Variants in PRUNE2 observed in about 807,000 individuals in gnomAD.
The protein encoded by PRUNE2 is protein prune homolog 2.
PRUNE2 carries 164 observed loss-of-function variants against 252.0 expected under a neutral mutation model. The observed-to-expected ratio is 0.65, with a 90% CI of 0.57 to 0.74. The LOEUF is 0.74. Ranked by LOEUF, PRUNE2 falls within the 30% of genes least tolerant of loss-of-function variation. The pLI is 0.00. For synonymous variants in PRUNE2, 1,292 were observed against 1,350.2 expected (o/e 0.96, Z 0.94); for missense variants, 3,495 against 3,711.0 (o/e 0.94, Z 1.51).
At chr9:76,692,035 C>T (rs752696794) in intron 9 of PRUNE2, 145 of 717,100 alleles carry the variant, frequency 2.0e-4, no homozygotes, top group Non-Finnish European at 3.1e-4. Flanking sequence ...CTGTCCTTCC[C>T]GTACCGATCT....
At chr9:76,704,189 A>C in intron 8 of PRUNE2, 90 bp from the exon 9 acceptor site, 1 of 692,782 alleles carries the variant, frequency 1.4e-6, no homozygotes, top group Non-Finnish European at 2.1e-6. Flanking sequence ...ATCATCTAAA[A>C]GAGGTAATTT....
At position 76,823,662 on chromosome 9, in the gene PRUNE2, C is replaced by T. The variant is rs564748991; in HGVS notation, c.726G>A (p.Val242=). 1.2e-6 allele frequency: 2 copies of T among 1,611,248 alleles called. No homozygotes were observed. Among genetic ancestry groups the T allele is most frequent in the African/African-American group, 1.3e-5 (1 of 74,936 alleles). The stretch of plus-strand genomic sequence containing the variant: ...GGTTCATGCTCACAGTACTAATGGC[C>T]ACTTTTATTTCTCCATCTGACAGCT... The part of the protein sequence containing the change: ...LKELSDGEIK[V]AISTVSMNLE... Residue 242 remains valine (V), a synonymous_variant, in exon 6 of 19, where the codon GTG becomes GTA. Transcript: ENST00000376718.
chr9:76,693,740 C>A (rs2045073145), intron 9 of PRUNE2, among the ~76,000 whole-genome samples: 1 of 152,104 alleles, frequency 6.6e-6, no homozygotes, highest in African/African-American at 2.4e-5. Flanking sequence ...CTGCGCCCGG[C>A]CTTAGCTCCT....
chr9:76,613,844 G>A lies in PRUNE2; in HGVS notation c.*726C>T, dbSNP rs958279017. On this transcript the variant is annotated 3_prime_UTR_variant, in exon 19 of 19. Transcript: ENST00000376718. Reference sequence around the variant, plus strand: ...AGCTGAGTTTATGGCCTGAAACTCAGAGAGCTACCAAACATGCAACACGGA... The same window carrying A: ...AGCTGAGTTTATGGCCTGAAACTCAAAGAGCTACCAAACATGCAACACGGA... 6.6e-5 allele frequency: 10 copies of A among 152,152 alleles called. No individual in the cohort carries two copies. The highest frequency in any genetic ancestry group is 4.8e-5 in the African/African-American group (2 of 41,408). The allele number at this position is 152,152 out of a possible 1,614,324, so 9.4% of individuals were successfully genotyped here.
At position 76,812,847 on chromosome 9, in the gene PRUNE2, G is replaced by C. The variant is rs548501341; in HGVS notation, c.756+10785C>G. Among the ~76,000 whole-genome samples, 6 of 152,328 alleles carry C rather than the reference G, an allele frequency of 3.9e-5. No individual in the cohort carries two copies. In the East Asian group the frequency reaches 1.2e-3, roughly 29 times the overall value. The stretch of plus-strand genomic sequence containing the variant: ...GGAGCTGACGTGTAACTGTTGGCAA[G>C]AGCTGACTGTTAAATTTTCAGGCAA... On this transcript the variant is annotated intron_variant, in intron 6 of 18. Coordinates refer to ENST00000376718, the MANE Select transcript of PRUNE2 (RefSeq NM_015225.3).
chr9:76,882,036 T>C (rs760808657), intron 1 of PRUNE2, among the ~76,000 whole-genome samples: 6 of 152,132 alleles, frequency 3.9e-5, no homozygotes, highest in Non-Finnish European at 7.3e-5. Flanking sequence ...TGTATCAGTA[T>C]TTAATTTAAT....
At position 76,709,061 on chromosome 9, in the gene PRUNE2, G is replaced by T. The variant is rs73650284; in HGVS notation, c.3213C>A (p.Val1071=). 7,821 of 1,613,878 alleles carry T rather than the reference G, an allele frequency of 4.8e-3. 112 individuals carry two copies. Among genetic ancestry groups the T allele is most frequent in the South Asian group, 0.037 (3,407 of 91,060 alleles). Residue 1071 remains valine (V), a synonymous_variant, in exon 8 of 19, where the codon GTC becomes GTA. Coordinates refer to ENST00000376718, the MANE Select transcript of PRUNE2 (RefSeq NM_015225.3). ...DGKNISMEDD[V]GESSQSSYDD... The stretch of plus-strand genomic sequence containing the variant: ...CGTAACTGGACTGGCTGCTTTCCCC[G>T]ACGTCATCCTCCATGGAGATATTCT...
chr9:76,761,426 T>C (rs1026721907), intron 6 of PRUNE2, among the ~76,000 whole-genome samples: 7 of 152,232 alleles, frequency 4.6e-5, no homozygotes, highest in African/African-American at 1.7e-4. Context: ...CAAAAATTAA[T>C]CATCTATATA....
At chr9:76,704,154 G>T in intron 8 of PRUNE2, 55 bp from the exon 9 acceptor site, 3 of 1,223,702 alleles carry the variant, frequency 2.5e-6, no homozygotes, top group South Asian at 1.7e-5. Flanking sequence ...TTAACACATT[G>T]TGTGATTTGT....
In PRUNE2 at chr9:76,746,495, G is replaced by A. The variant is rs192252094; in HGVS notation, c.757-32774C>T. On this transcript the variant is annotated intron_variant, in intron 6 of 18. Coordinates refer to ENST00000376718, the MANE Select transcript of PRUNE2 (RefSeq NM_015225.3). ...CCGAGGCGGGTGGATCATGAGGTCA[G>A]GAGATCGAGACCATCCTGGCTAACA... 3.3e-3 allele frequency among the ~76,000 whole-genome samples: 501 copies of A among 151,604 alleles called. 3 individuals are homozygous for A. The highest frequency in any genetic ancestry group is 0.012 in the African/African-American group (478 of 41,332).
chr9:76,719,804 G>C (rs980101413), intron 6 of PRUNE2, among the ~76,000 whole-genome samples: 1 of 151,792 alleles, frequency 6.6e-6, no homozygotes. Flanking sequence ...GCACCACCAT[G>C]CCCAGCTAAT....
chr9:76,718,500 C>G (rs1350548597), intron 6 of PRUNE2, among the ~76,000 whole-genome samples: 3 of 152,200 alleles, frequency 2.0e-5, no homozygotes, highest in Admixed American at 6.5e-5. Context: ...CTACAGTATT[C>G]CATGAGATTG....
At chr9:76,748,931 C>T (rs371169496) in intron 6 of PRUNE2, among the ~76,000 whole-genome samples, 55 of 152,144 alleles carry the variant, frequency 3.6e-4, no homozygotes, top group Admixed American at 1.1e-3. Flanking sequence ...ACGAGTGAGG[C>T]GGAGCAGGGA....
intron 1 of PRUNE2, among the ~76,000 whole-genome samples, chr9:76,883,595 C>A (rs2061918442): frequency 6.6e-6 from 1 of 152,136 alleles, no homozygotes; most frequent in Admixed American, 6.5e-5. Context: ...AACAATGGTA[C>A]CACATTTCCA....
intron 1 of PRUNE2, among the ~76,000 whole-genome samples, chr9:76,877,072 G>A (rs1446738849): frequency 6.6e-6 from 1 of 152,040 alleles, no homozygotes; most frequent in Non-Finnish European, 1.5e-5. Flanking sequence ...CTAAAATAAT[G>A]AGACTGGACC....
Position 76,826,729 on chromosome 9 carries a change from C to T in PRUNE2, c.512G>A (p.Ser171Asn), listed in dbSNP as rs989881943. ...TEQLAHRLRG[S>N]ILFKWMTMES... ...CATGGTCATCCACTTGAAAAGAATG[C>T]TACCTGAAAGGTATGAATAAAAATG... The change falls in exon 5 of 19, where the codon AGC (serine) becomes AAC (asparagine). Residue 171 changes from serine (S) to asparagine (N), a missense_variant. Transcript: ENST00000376718. The T allele has an allele frequency of 2.5e-6, 4 of 1,603,554 alleles. No homozygotes were observed. The highest frequency in any genetic ancestry group is 2.2e-5 in the East Asian group (1 of 44,510).
intron 9 of PRUNE2, among the ~76,000 whole-genome samples, chr9:76,656,768 A>C (rs959277715): frequency 6.6e-6 from 1 of 152,174 alleles, no homozygotes; most frequent in Non-Finnish European, 1.5e-5. Context: ...GGATAGAGGT[A>C]AGTGCCTGTG....
chr9:76,781,639 G>C (rs2054407499), intron 6 of PRUNE2, among the ~76,000 whole-genome samples: 1 of 152,134 alleles, frequency 6.6e-6, no homozygotes, highest in Non-Finnish European at 1.5e-5. Context: ...AAATTAGTTT[G>C]AAATCTACAT....
chr9:76,660,852 C>T (rs573749678), intron 9 of PRUNE2, among the ~76,000 whole-genome samples: 115 of 148,608 alleles, frequency 7.7e-4, no homozygotes, highest in Non-Finnish European at 1.2e-3. Context: ...CTTACTTCTA[C>T]AAGCAAGTTT....
Sources: gnomAD v4.1 joint callset for allele counts (sites outside exome capture counted in the v4.1 genomes callset) on GRCh38, gnomAD v4.1.1 for gene constraint, MANE v1.5 for transcripts, NCBI Gene and HGNC (gene_info 2026-07-23, HGNC 2026-07-21) for gene names.